Variants in UBAC2 observed in about 807,000 individuals in gnomAD.
UBAC2 encodes the protein UBA domain containing 2.
UBAC2 carries 26 observed loss-of-function variants against 44.0 expected under a neutral mutation model. The ratio of observed to expected loss-of-function variants is 0.59; its 90% CI spans 0.43 to 0.82. UBAC2 has a LOEUF of 0.82. Ranked by LOEUF, UBAC2 falls within the 40% of genes least tolerant of loss-of-function variation. The pLI is 0.00. For synonymous variants in UBAC2, 155 were observed against 154.3 expected, an observed-to-expected ratio of 1.00 and a Z score of -0.04; for missense variants, 329 against 419.4, an observed-to-expected ratio of 0.78 and a Z score of 1.88.
At chr13:99,268,611 CAAAA>C (rs756827927) in intron 4 of UBAC2, among the ~76,000 whole-genome samples, 1 of 75,738 alleles carries the variant, frequency 1.3e-5, no homozygotes, top group African/African-American at 6.3e-5. Flanking sequence ...GACTCTGTCT[CAAAA>C]AAAAAAAAAA....
intron 5 of UBAC2, among the ~76,000 whole-genome samples, chr13:99,316,536 G>A (rs1158995698): frequency 1.3e-5 from 2 of 152,120 alleles, no homozygotes; most frequent in Non-Finnish European, 2.9e-5. Context: ...CTGTGCAATG[G>A]GCTATGACGT....
intron 6 of UBAC2, among the ~76,000 whole-genome samples, chr13:99,328,548 G>T (rs1361893614): frequency 6.6e-6 from 1 of 152,168 alleles, no homozygotes; most frequent in Non-Finnish European, 1.5e-5. Flanking sequence ...TATTGGGTGT[G>T]TAGTGGTATC....
At chr13:99,342,698 A>G (rs1041837933) in intron 7 of UBAC2, among the ~76,000 whole-genome samples, 1 of 152,062 alleles carries the variant, frequency 6.6e-6, no homozygotes, top group Non-Finnish European at 1.5e-5. Context: ...GGTGGGCACG[A>G]CCTGCAAGAC....
intron 7 of UBAC2, among the ~76,000 whole-genome samples, chr13:99,356,795 G>A (rs1463797172): frequency 1.3e-5 from 2 of 152,188 alleles, no homozygotes; most frequent in East Asian, 3.8e-4. Flanking sequence ...CTTTACCAAG[G>A]AACCAAGGCT....
chr13:99,253,960 G>T (rs1054027347), intron 4 of UBAC2, among the ~76,000 whole-genome samples: 1 of 152,208 alleles, frequency 6.6e-6, no homozygotes, highest in Non-Finnish European at 1.5e-5. Flanking sequence ...GATAATAGGG[G>T]CTTTACAGAT....
At chr13:99,382,844 G>A (rs1309952782) in intron 8 of UBAC2, among the ~76,000 whole-genome samples, 1 of 152,158 alleles carries the variant, frequency 6.6e-6, no homozygotes, top group Non-Finnish European at 1.5e-5. Context: ...TCAGGCTCAG[G>A]GCAGAGGGCA....
Position 99,250,375 on chromosome 13 carries a change from T to C in UBAC2, c.389+5751T>C, listed in dbSNP as rs377435916. Among the ~76,000 whole-genome samples, 15 of 152,362 alleles carry C rather than the reference T, an allele frequency of 9.8e-5. 1 individual carries two copies. In the South Asian group the frequency reaches 1.4e-3, roughly 15 times the overall value. On this transcript the variant is annotated intron_variant, in intron 4 of 8. Coordinates refer to ENST00000403766, the MANE Select transcript of UBAC2 (RefSeq NM_001144072.2). ...GTTGAATATCAGATGGCTGTAGTTA[T>C]GAGGCTTTATTTCTGGGTTCTCTAT...
intron 8 of UBAC2, among the ~76,000 whole-genome samples, chr13:99,380,516 T>G (rs2045537918): frequency 6.6e-6 from 1 of 152,168 alleles, no homozygotes; most frequent in Non-Finnish European, 1.5e-5. Flanking sequence ...CCTCTGAAAC[T>G]ACATAAAGAA....
At chr13:99,246,617 A>G (rs16956405) in intron 4 of UBAC2, among the ~76,000 whole-genome samples, 1 of 152,202 alleles carries the variant, frequency 6.6e-6, no homozygotes, top group African/African-American at 2.4e-5. Flanking sequence ...ATCGAATGAC[A>G]GTAGAACTTT....
intron 1 of UBAC2, among the ~76,000 whole-genome samples, chr13:99,216,261 C>A (rs1264301151): frequency 6.6e-6 from 1 of 152,134 alleles, no homozygotes; most frequent in Non-Finnish European, 1.5e-5. Context: ...CCCGCCACCA[C>A]ACCTGGCTAA....
At chr13:99,319,678 C>G (rs988117251) in intron 6 of UBAC2, among the ~76,000 whole-genome samples, 1 of 152,168 alleles carries the variant, frequency 6.6e-6, no homozygotes, top group South Asian at 2.1e-4. Flanking sequence ...CAGAGCTAAA[C>G]CCTATTGTGA....
chr13:99,271,036 T>C (rs967289604), intron 4 of UBAC2, among the ~76,000 whole-genome samples: 3 of 152,220 alleles, frequency 2.0e-5, no homozygotes, highest in African/African-American at 4.8e-5. Context: ...ACCTACTTTA[T>C]GATAAGCCTT....
At chr13:99,380,815 A>G (rs1332000107) in intron 8 of UBAC2, among the ~76,000 whole-genome samples, 2 of 152,204 alleles carry the variant, frequency 1.3e-5, no homozygotes, top group Non-Finnish European at 2.9e-5. Flanking sequence ...ATAGTTTTTA[A>G]TCTGGTGAAA....
intron 8 of UBAC2, among the ~76,000 whole-genome samples, 174 bp downstream of exon 8, chr13:99,368,080 C>T (rs971782123): frequency 2.0e-5 from 3 of 151,674 alleles, no homozygotes; most frequent in African/African-American, 7.3e-5. Context: ...GTGGTTCTTA[C>T]GAGTTTAAGG....
At chr13:99,227,898 A>G (rs1460795324) in intron 1 of UBAC2, among the ~76,000 whole-genome samples, 1 of 152,174 alleles carries the variant, frequency 6.6e-6, no homozygotes, top group Non-Finnish European at 1.5e-5. Context: ...GGGAGGTTTG[A>G]GGAGAGAGGA....
intron 4 of UBAC2, among the ~76,000 whole-genome samples, chr13:99,266,532 T>A (rs947992090): frequency 6.6e-6 from 1 of 152,226 alleles, no homozygotes; most frequent in Non-Finnish European, 1.5e-5. Flanking sequence ...TTTGGAAGCA[T>A]CCTCTTTTTT....
At chr13:99,242,826 T>C (rs2043333116) in intron 2 of UBAC2, among the ~76,000 whole-genome samples, 2 of 141,364 alleles carry the variant, frequency 1.4e-5, no homozygotes, top group South Asian at 2.4e-4. Flanking sequence ...GGCTCCTCAC[T>C]TCTCAGACGG....
intron 1 of UBAC2, chr13:99,231,406 ATTTTTTTTTTTTTTT>A (rs34600991): frequency 1.4e-5 from 1 of 71,956 alleles, no homozygotes; most frequent in South Asian, 5.4e-4. Context: ...TGCTGTATAC[ATTTTTTTTTTTTTTT>A]TTTTTTTTTG....
At chr13:99,296,034 A>G (rs1318269200) in intron 4 of UBAC2, 7 of 1,614,052 alleles carry the variant, frequency 4.3e-6, no homozygotes, top group Non-Finnish European at 5.9e-6. Flanking sequence ...ACGAGGCTGT[A>G]ATGCAGAGGC....
Sources: allele counts gnomAD v4.1 joint callset (sites outside exome capture counted in the v4.1 genomes callset), GRCh38; gene constraint gnomAD v4.1.1; transcripts MANE v1.5; gene names NCBI Gene and HGNC (gene_info 2026-07-23, HGNC 2026-07-21).